The following PLD5 variants were observed in gnomAD, a reference collection of about 807,000 sequenced individuals.
PLD5 encodes inactive phospholipase D5.
Under a neutral mutation model 61.1 loss-of-function variants are expected in PLD5, and 36 were observed. The observed-to-expected ratio is 0.59, with a 90% CI of 0.45 to 0.78. The LOEUF is 0.78. Among genes scored for constraint, PLD5 ranks in the 30% least tolerant of loss-of-function variants. The pLI is 0.00. For synonymous variants in PLD5, 243 were observed against 242.8 expected, an observed-to-expected ratio of 1.00 and a Z score of -0.01; for missense variants, 515 against 644.4, an observed-to-expected ratio of 0.80 and a Z score of 2.17.
At chr1:242,506,323 A>T (rs1047848666) in intron 1 of PLD5, among the ~76,000 whole-genome samples, 4 of 152,150 alleles carry the variant, frequency 2.6e-5, no homozygotes, top group African/African-American at 9.7e-5. Context: ...TGTAAGGACA[A>T]TTGGGCTGTG....
rs1332168468 is a variant in PLD5, at chr1:242,275,251, A to G, written c.496-9803T>C. On this transcript the variant is annotated intron_variant, in intron 3 of 9. Transcript: ENST00000536534. ...AATTTATGACCTAAGAGGAAAGATC[A>G]TATGATATATGAATATATATTCATA... is the stretch of plus-strand genomic sequence containing the variant. Among the ~76,000 whole-genome samples, 5 of 152,096 alleles carry G rather than the reference A, an allele frequency of 3.3e-5. No individual in the cohort carries two copies. In the East Asian group the frequency reaches 9.6e-4, roughly 29 times the overall value.
intron 2 of PLD5, among the ~76,000 whole-genome samples, chr1:242,331,025 A>G (rs1257719327): frequency 1.3e-5 from 2 of 152,100 alleles, no homozygotes; most frequent in Non-Finnish European, 1.5e-5. Flanking sequence ...AACCTGGTTT[A>G]ATATTTTTTT....
chr1:242,195,899 G>A (rs1668611607), intron 5 of PLD5, among the ~76,000 whole-genome samples: 1 of 152,202 alleles, frequency 6.6e-6, no homozygotes, highest in Admixed American at 6.5e-5. Flanking sequence ...GTTAACTCAT[G>A]TAAACTCAAA....
chr1:242,254,952 G>A (rs1347785903), intron 4 of PLD5, among the ~76,000 whole-genome samples: 1 of 152,334 alleles, frequency 6.6e-6, no homozygotes, highest in East Asian at 1.9e-4. Flanking sequence ...TGACGGCAGC[G>A]TATAGGACAA....
chr1:242,316,946 CA>C (rs1658042096), intron 2 of PLD5, among the ~76,000 whole-genome samples: 1 of 151,806 alleles, frequency 6.6e-6, no homozygotes, highest in African/African-American at 2.4e-5. Flanking sequence ...GACATGATCT[CA>C]TTCTTTTTAT....
At chr1:242,331,539 C>T (rs1416925299) in intron 2 of PLD5, among the ~76,000 whole-genome samples, 1 of 147,600 alleles carries the variant, frequency 6.8e-6, no homozygotes, top group East Asian at 2.0e-4. Flanking sequence ...TCTAACATCC[C>T]TTGATTCCCA....
intron 1 of PLD5, among the ~76,000 whole-genome samples, chr1:242,383,000 G>A (rs1364756879): frequency 6.6e-6 from 1 of 152,136 alleles, no homozygotes; most frequent in Admixed American, 6.6e-5. Flanking sequence ...CTTCTTCCTT[G>A]AATTTTGATT....
intron 1 of PLD5, among the ~76,000 whole-genome samples, chr1:242,375,530 G>A (rs748818129): frequency 6.6e-6 from 1 of 152,124 alleles, no homozygotes; most frequent in Non-Finnish European, 1.5e-5. Context: ...CCTGACAGCA[G>A]CAAGACCTTT....
intron 5 of PLD5, among the ~76,000 whole-genome samples, chr1:242,219,320 C>CTG (rs1376777586): frequency 6.6e-6 from 1 of 152,030 alleles, no homozygotes; most frequent in African/African-American, 2.4e-5. Context: ...GAGACAATAT[C>CTG]TGTGTGTAGG....
chr1:242,374,559 A>G (rs1348212828), intron 1 of PLD5, among the ~76,000 whole-genome samples: 1 of 152,148 alleles, frequency 6.6e-6, no homozygotes, highest in East Asian at 1.9e-4. Flanking sequence ...CAGCCATGAA[A>G]CCTAAAAATA....
At chr1:242,207,607 T>A (rs1275910986) in intron 5 of PLD5, among the ~76,000 whole-genome samples, 2 of 151,492 alleles carry the variant, frequency 1.3e-5, no homozygotes, top group Non-Finnish European at 2.9e-5. Flanking sequence ...TTTTCTTTTT[T>A]TCCCACTCTA....
At chr1:242,244,751 T>C (rs1029728948) in intron 4 of PLD5, among the ~76,000 whole-genome samples, 2 of 152,208 alleles carry the variant, frequency 1.3e-5, no homozygotes, top group African/African-American at 2.4e-5. Context: ...GATGCCTTCA[T>C]AGGTGGTCAA....
intron 1 of PLD5, among the ~76,000 whole-genome samples, chr1:242,373,737 G>A (rs1490246160): frequency 6.6e-6 from 1 of 152,016 alleles, no homozygotes; most frequent in African/African-American, 2.4e-5. Context: ...ACTCATAGGT[G>A]GGAATTGAAC....
At chr1:242,472,875 C>T (rs950552913) in intron 1 of PLD5, among the ~76,000 whole-genome samples, 2 of 151,930 alleles carry the variant, frequency 1.3e-5, no homozygotes, top group Admixed American at 6.6e-5. Context: ...AAGGTGTGAC[C>T]GCTTCTTAAA....
chr1:242,127,478 A>G (rs1662887242), intron 5 of PLD5, among the ~76,000 whole-genome samples: 2 of 152,212 alleles, frequency 1.3e-5, no homozygotes, highest in Admixed American at 6.5e-5. Context: ...CAGCCATAAA[A>G]AGGAATGAAT....
At chr1:242,428,294 G>T (rs1333416520) in intron 1 of PLD5, among the ~76,000 whole-genome samples, 1 of 152,160 alleles carries the variant, frequency 6.6e-6, no homozygotes, top group African/African-American at 2.4e-5. Context: ...GCCTTCAACT[G>T]CCTTGGCTTA....
At chr1:242,477,383 G>A (rs1173531577) in intron 1 of PLD5, among the ~76,000 whole-genome samples, 1 of 152,178 alleles carries the variant, frequency 6.6e-6, no homozygotes, top group Non-Finnish European at 1.5e-5. Context: ...AGAAACAGCA[G>A]GATAGGTGCA....
In PLD5 at chr1:242,460,330, G is replaced by A. The variant is rs1448295245; in HGVS notation, c.189+63758C>T. 2.6e-5 allele frequency among the ~76,000 whole-genome samples: 4 copies of A among 152,054 alleles called. No individual in the cohort carries two copies. In the East Asian group the frequency reaches 7.7e-4, roughly 29 times the overall value. On this transcript the variant is annotated intron_variant, in intron 1 of 9. Coordinates refer to ENST00000536534, the MANE Select transcript of PLD5 (RefSeq NM_001372062.1). ...CGGGACCAGAGGTGGTGACCCCCCT[G>A]GACCCAGCTCTCACTATCTTGTGTG...
chr1:242,348,292 T>C (rs1210900344), intron 1 of PLD5, 50 bp from the exon 2 acceptor site: 3 of 1,548,664 alleles, frequency 1.9e-6, no homozygotes, highest in Non-Finnish European at 2.6e-6. Context: ...TGCTTTCTCT[T>C]GGGAAACTCA....
Sources: allele counts gnomAD v4.1 joint callset (sites outside exome capture counted in the v4.1 genomes callset), GRCh38; gene constraint gnomAD v4.1.1; transcripts MANE v1.5; gene names NCBI Gene and HGNC (gene_info 2026-07-23, HGNC 2026-07-21).